The following ZYG11A variants were observed in gnomAD, a reference collection of about 807,000 sequenced individuals.
ZYG11A encodes the protein zyg-11 family member A, cell cycle regulator.
A neutral mutation model predicts 77.2 loss-of-function variants in ZYG11A; 62 were observed. The observed-to-expected ratio is 0.80, with a 90% CI of 0.65 to 0.99. The LOEUF (loss-of-function observed/expected upper bound fraction) is 0.99. ZYG11A is among the 50% of genes least tolerant of loss of function. ZYG11A has a pLI of 0.00. For missense variants in ZYG11A, 828 were observed against 896.8 expected, an observed-to-expected ratio of 0.92 and a Z score of 0.98; for synonymous variants, 315 against 324.6, an observed-to-expected ratio of 0.97 and a Z score of 0.32.
chr1:52,876,322 C>T (rs980605054), intron 8 of ZYG11A, among the ~76,000 whole-genome samples: 2 of 152,076 alleles, frequency 1.3e-5, no homozygotes, highest in African/African-American at 4.8e-5. Context: ...CTGATAGTTA[C>T]GTTTAACTCA....
In ZYG11A at chr1:52,883,933, G is replaced by C. The variant is rs539999068; in HGVS notation, c.1945-1900G>C. Among the ~76,000 whole-genome samples, 135 of 146,956 alleles carry C rather than the reference G, an allele frequency of 9.2e-4. 1 individual carries two copies. Among genetic ancestry groups the C allele is most frequent in the African/African-American group, 3.5e-3 (128 of 36,590 alleles). On this transcript the variant is annotated intron_variant, in intron 11 of 13. Coordinates refer to ENST00000371528, the MANE Select transcript of ZYG11A (RefSeq NM_001004339.3). ...CTTGCTCTGTCACCCAGGCTGGAGTGCAATGGCATGATCATAGCTCACTGC... is the reference window on the plus strand; with the variant it reads ...CTTGCTCTGTCACCCAGGCTGGAGTCCAATGGCATGATCATAGCTCACTGC...
intron 13 of ZYG11A, among the ~76,000 whole-genome samples, chr1:52,889,377 C>T (rs1347938471): frequency 2.0e-5 from 3 of 151,824 alleles, no homozygotes; most frequent in African/African-American, 7.3e-5. Flanking sequence ...AAAGATAATT[C>T]CCATCCCTAT....
In ZYG11A at chr1:52,893,710, A is replaced by G. The variant is rs1646581717; in HGVS notation, c.*753A>G. ...AGCCCAGGAGGCAGAGGTTGCAGTGAGCTGAGATTGCACCACTGCACTCCA... is the reference window on the plus strand; with the variant it reads ...AGCCCAGGAGGCAGAGGTTGCAGTGGGCTGAGATTGCACCACTGCACTCCA... On this transcript the variant is annotated 3_prime_UTR_variant, in exon 14 of 14. Coordinates refer to ENST00000371528, the MANE Select transcript of ZYG11A (RefSeq NM_001004339.3). 1 of 148,350 alleles carries G rather than the reference A, an allele frequency of 6.7e-6. No homozygotes were observed. Among genetic ancestry groups the G allele is most frequent in the African/African-American group, 2.5e-5 (1 of 40,586 alleles). The allele number at this position is 148,350 out of a possible 1,614,324, so 9.2% of individuals were successfully genotyped here.
intron 13 of ZYG11A, 101 bp downstream of exon 13, chr1:52,887,154 C>G: frequency 2.0e-6 from 1 of 509,522 alleles, no homozygotes; most frequent in Non-Finnish European, 3.3e-6. Flanking sequence ...CTACCTCTGT[C>G]CTCTGAATTT....
chr1:52,849,215 G>A (rs1242224), intron 1 of ZYG11A, among the ~76,000 whole-genome samples: 73,694 of 151,132 alleles, frequency 0.49, 19,143 homozygotes, highest in Non-Finnish European at 0.59. Context: ...GATTACAGGC[G>A]CGTGCCACCA....
At chr1:52,862,303 ATTTTTTTTTGGT>A (rs1267436060) in intron 4 of ZYG11A, among the ~76,000 whole-genome samples, 2 of 145,200 alleles carry the variant, frequency 1.4e-5, no homozygotes, top group Non-Finnish European at 3.0e-5. Flanking sequence ...TGAGCCCAGG[ATTTTTTTTTGGT>A]TTTTTTTTTT....
intron 3 of ZYG11A, among the ~76,000 whole-genome samples, chr1:52,860,004 T>C (rs935120268): frequency 1.3e-5 from 2 of 152,186 alleles, no homozygotes; most frequent in African/African-American, 4.8e-5. Flanking sequence ...TATAACTTTA[T>C]ATGAAGTCTT....
intron 3 of ZYG11A, among the ~76,000 whole-genome samples, chr1:52,860,442 C>T (rs1475543396): frequency 3.9e-5 from 6 of 152,116 alleles, no homozygotes; most frequent in African/African-American, 9.7e-5. Context: ...GGACTACAGG[C>T]GCCTGCCACC....
rs1646285293 is a variant in ZYG11A at position 52,877,669 on chromosome 1, CTT to C, written c.1543-11_1543-10del. ...AGAGCATCTAACTCCCTCCCTGTCTCTTTGGTTTTTAGGAACTTCTAGCAATA... is the reference window on the plus strand; with the variant it reads ...AGAGCATCTAACTCCCTCCCTGTCTCTGGTTTTTAGGAACTTCTAGCAATA... On this transcript the variant is annotated splice_polypyrimidine_tract_variant and intron_variant, in intron 8 of 13. Transcript: ENST00000371528. The C allele has an allele frequency of 6.5e-7, 1 of 1,543,706 alleles. No individual in the cohort carries two copies. The highest frequency in any genetic ancestry group is 8.7e-7 in the Non-Finnish European group (1 of 1,144,206).
Position 52,867,837 on chromosome 1 carries a change from C to T in ZYG11A, c.1542+60C>T, listed in dbSNP as rs1419650818. 7 of 1,372,572 alleles carry T rather than the reference C, an allele frequency of 5.1e-6. No homozygotes were observed. The East Asian group carries it at 1.5e-4, about 29-fold the overall frequency. The allele number at this position is 1,372,572 out of a possible 1,614,324, so 85.0% of individuals were successfully genotyped here. ...AAAAAAGTCAAATTTATGATTATAG[C>T]TTAAAAAAAAAATCAAATCATTCCA... On this transcript the variant is annotated intron_variant, in intron 8 of 13. Transcript: ENST00000371528.
At position 52,879,559 on chromosome 1, in the gene ZYG11A, A is replaced by G. The variant is rs140747183; in HGVS notation, c.1749+1590A>G. 9.9e-5 allele frequency among the ~76,000 whole-genome samples: 15 copies of G among 151,934 alleles called. No individual in the cohort carries two copies. The East Asian group carries it at 2.7e-3, about 27-fold the overall frequency. On this transcript the variant is annotated intron_variant, in intron 10 of 13. Transcript: ENST00000371528. The stretch of plus-strand genomic sequence containing the variant: ...ACAAAGTCATTTTTGGCTAGGGAAG[A>G]TTATTTATAATGTAATCAATAAGTG...
At chr1:52,869,533 A>G (rs1364901280) in intron 8 of ZYG11A, among the ~76,000 whole-genome samples, 1 of 151,734 alleles carries the variant, frequency 6.6e-6, no homozygotes, top group Non-Finnish European at 1.5e-5. Flanking sequence ...TGGACACAGC[A>G]CATGTTTCAG....
chr1:52,863,687 G>A (rs925483912), intron 4 of ZYG11A, among the ~76,000 whole-genome samples: 1 of 152,316 alleles, frequency 6.6e-6, no homozygotes, highest in African/African-American at 2.4e-5. Context: ...ACCTGTCACA[G>A]TAGCTTGTAT....
intron 11 of ZYG11A, 120 bp downstream of exon 11, chr1:52,881,785 A>G (rs1271151221): frequency 2.7e-6 from 2 of 749,546 alleles, no homozygotes; most frequent in East Asian, 2.8e-5. Context: ...AAAACTTATT[A>G]CTAACCCATA....
intron 1 of ZYG11A, among the ~76,000 whole-genome samples, chr1:52,850,046 A>G (rs1374344373): frequency 1.3e-5 from 2 of 152,154 alleles, no homozygotes; most frequent in African/African-American, 2.4e-5. Context: ...TTGGGGCACC[A>G]TGGTTTTCAA....
chr1:52,862,824 G>C (rs1464372138), intron 4 of ZYG11A, among the ~76,000 whole-genome samples: 1 of 152,062 alleles, frequency 6.6e-6, no homozygotes, highest in East Asian at 1.9e-4. Flanking sequence ...TGTTGCCCAG[G>C]CTGGAGTGCA....
At chr1:52,856,277 C>A (rs1294390594) in intron 2 of ZYG11A, among the ~76,000 whole-genome samples, 1 of 151,954 alleles carries the variant, frequency 6.6e-6, no homozygotes, top group Non-Finnish European at 1.5e-5. Context: ...GATTACCTTA[C>A]GTGCCTGTTA....
intron 3 of ZYG11A, among the ~76,000 whole-genome samples, chr1:52,859,660 G>A (rs1369316686): frequency 2.6e-5 from 3 of 115,460 alleles, no homozygotes; most frequent in South Asian, 5.7e-4. Context: ...ATCTGTTTGT[G>A]TATTGCCTTT....
intron 4 of ZYG11A, among the ~76,000 whole-genome samples, chr1:52,862,199 ACT>A (rs1645940168): frequency 6.6e-6 from 1 of 150,378 alleles, no homozygotes; most frequent in African/African-American, 2.4e-5. Context: ...ACAGAGCAAG[ACT>A]CTGTCTCAAA....
Sources: gnomAD v4.1 joint callset for allele counts (sites outside exome capture counted in the v4.1 genomes callset) on GRCh38, gnomAD v4.1.1 for gene constraint, MANE v1.5 for transcripts, NCBI Gene and HGNC (gene_info 2026-07-23, HGNC 2026-07-21) for gene names.